Variants in GRID2 observed in about 807,000 individuals in gnomAD.
The protein encoded by GRID2 is glutamate ionotropic receptor delta type subunit 2.
In GRID2, 33 loss-of-function variants were observed where a neutral mutation model predicts 114.8. The observed-to-expected ratio is 0.29, with a 90% CI of 0.22 to 0.38. The LOEUF (loss-of-function observed/expected upper bound fraction) is 0.38, where lower values mean the gene tolerates loss of function less well. Among genes scored for constraint, GRID2 ranks in the 10% least tolerant of loss-of-function variants. GRID2 has a pLI of 1.00. For missense variants in GRID2, 1,184 were observed against 1,257.7 expected (o/e 0.94, Z 0.89); for synonymous variants, 505 against 449.9 (o/e 1.12, Z -1.55).
intron 1 of GRID2, among the ~76,000 whole-genome samples, chr4:92,313,101 G>C (rs930386485): frequency 6.6e-5 from 10 of 151,662 alleles, no homozygotes; most frequent in Non-Finnish European, 1.3e-4. Flanking sequence ...GTGTGTGTGT[G>C]TGTGTGTGTG....
intron 1 of GRID2, among the ~76,000 whole-genome samples, chr4:92,527,115 C>T: frequency 6.6e-6 from 1 of 151,998 alleles, no homozygotes; most frequent in Middle Eastern, 3.4e-3. Context: ...TGAAGAATGG[C>T]ATGAAATAGT....
chr4:92,562,267 G>A (rs1472290303), intron 1 of GRID2, among the ~76,000 whole-genome samples: 1 of 152,116 alleles, frequency 6.6e-6, no homozygotes, highest in South Asian at 2.1e-4. Flanking sequence ...AGTTTGTGCT[G>A]TTCTCTAAGT....
chr4:93,770,560 A>G (rs1560992866), intron 15 of GRID2, among the ~76,000 whole-genome samples: 2 of 152,214 alleles, frequency 1.3e-5, no homozygotes, highest in Non-Finnish European at 2.9e-5. Flanking sequence ...TTTAGCAAAG[A>G]TGAATTTTAG....
chr4:92,357,909 A>G (rs1248629485), intron 1 of GRID2, among the ~76,000 whole-genome samples: 1 of 151,986 alleles, frequency 6.6e-6, no homozygotes, highest in Non-Finnish European at 1.5e-5. Context: ...AATAGTTATA[A>G]GACATATTTG....
intron 2 of GRID2, among the ~76,000 whole-genome samples, chr4:92,904,035 T>C (rs1038871575): frequency 3.3e-5 from 5 of 151,926 alleles, no homozygotes; most frequent in African/African-American, 1.2e-4. Flanking sequence ...TTTCTAAGAA[T>C]AGTACTATAT....
chr4:92,553,258 A>G (rs1260801821), intron 1 of GRID2, among the ~76,000 whole-genome samples: 1 of 152,126 alleles, frequency 6.6e-6, no homozygotes, highest in Non-Finnish European at 1.5e-5. Context: ...CACATCATAT[A>G]ATTCTTTATA....
chr4:92,788,646 A>T (rs953690572), intron 2 of GRID2, among the ~76,000 whole-genome samples: 2 of 151,894 alleles, frequency 1.3e-5, no homozygotes, highest in Admixed American at 6.6e-5. Context: ...TAACAATTAT[A>T]TAAAATTATG....
chr4:92,362,498 A>T (rs891531886), intron 1 of GRID2, among the ~76,000 whole-genome samples: 1 of 152,026 alleles, frequency 6.6e-6, no homozygotes, highest in Non-Finnish European at 1.5e-5. Flanking sequence ...TTATTTAATT[A>T]AATTAAATCC....
At chr4:92,694,158 G>A (rs1361909313) in intron 2 of GRID2, among the ~76,000 whole-genome samples, 1 of 152,208 alleles carries the variant, frequency 6.6e-6, no homozygotes, top group Non-Finnish European at 1.5e-5. Flanking sequence ...AAGAAGAAAG[G>A]CCACTTTGCA....
intron 8 of GRID2, among the ~76,000 whole-genome samples, chr4:93,314,304 A>T (rs1300341385): frequency 4.8e-5 from 2 of 41,590 alleles, no homozygotes; most frequent in African/African-American, 1.2e-4. Context: ...AGTCTGTCTC[A>T]AAAAAAAAAA....
rs533187176 is a variant in GRID2, at chr4:93,002,695, A to T, written c.245-82300A>T. On this transcript the variant is annotated intron_variant, in intron 2 of 15. Coordinates refer to ENST00000282020, the MANE Select transcript of GRID2 (RefSeq NM_001510.4). ...GATTCAGAGTTGATTTGTTCATATA[A>T]ACAGAGCCAATATAAAATTATGATG... Among the ~76,000 whole-genome samples, 23 of 151,932 alleles carry T rather than the reference A, an allele frequency of 1.5e-4. No individual in the cohort carries two copies. The South Asian group carries it at 4.1e-3, about 27-fold the overall frequency.
intron 2 of GRID2, among the ~76,000 whole-genome samples, chr4:92,946,692 C>T (rs1372866851): frequency 6.6e-6 from 1 of 152,088 alleles, no homozygotes; most frequent in Admixed American, 6.6e-5. Context: ...AAAGGCCTTA[C>T]ATCAGATGGA....
chr4:92,509,853 TA>T (rs1449059353), intron 1 of GRID2, among the ~76,000 whole-genome samples: 2 of 151,872 alleles, frequency 1.3e-5, no homozygotes, highest in African/African-American at 4.8e-5. Flanking sequence ...GATCATACTT[TA>T]AAAAATAGAG....
chr4:92,876,450 G>T (rs1319121287), intron 2 of GRID2, among the ~76,000 whole-genome samples: 1 of 151,940 alleles, frequency 6.6e-6, no homozygotes, highest in Admixed American at 6.6e-5. Flanking sequence ...GACTACAGGT[G>T]CCTGCCACCA....
At chr4:93,282,538 A>G (rs1752753562) in intron 8 of GRID2, among the ~76,000 whole-genome samples, 1 of 152,032 alleles carries the variant, frequency 6.6e-6, no homozygotes, top group Non-Finnish European at 1.5e-5. Context: ...TCTCCAGATA[A>G]CAGACTAACA....
At chr4:92,676,094 T>C (rs1733343192) in intron 2 of GRID2, among the ~76,000 whole-genome samples, 1 of 148,580 alleles carries the variant, frequency 6.7e-6, no homozygotes, top group African/African-American at 2.5e-5. Flanking sequence ...CTTTTTAAAA[T>C]AGTTTTTTGT....
At chr4:92,386,178 A>T (rs1436427839) in intron 1 of GRID2, among the ~76,000 whole-genome samples, 1 of 151,656 alleles carries the variant, frequency 6.6e-6, no homozygotes, top group Non-Finnish European at 1.5e-5. Flanking sequence ...ATTTTTAAAA[A>T]GTTTAAAGCT....
intron 11 of GRID2, among the ~76,000 whole-genome samples, chr4:93,462,778 C>G (rs1253242779): frequency 6.6e-6 from 1 of 152,118 alleles, no homozygotes; most frequent in Non-Finnish European, 1.5e-5. Flanking sequence ...TTTACAAACT[C>G]TCAAAGGATT....
intron 2 of GRID2, among the ~76,000 whole-genome samples, chr4:92,677,051 T>A (rs914485381): frequency 1.3e-5 from 2 of 152,202 alleles, no homozygotes; most frequent in African/African-American, 4.8e-5. Context: ...TCTACTTATA[T>A]GAGGTACCTA....
Sources: gnomAD v4.1 joint callset for allele counts (sites outside exome capture counted in the v4.1 genomes callset) on GRCh38, gnomAD v4.1.1 for gene constraint, MANE v1.5 for transcripts, NCBI Gene and HGNC (gene_info 2026-07-23, HGNC 2026-07-21) for gene names.